The following MRC1 variants were observed in gnomAD, a reference collection of about 807,000 sequenced individuals.
MRC1 encodes macrophage mannose receptor 1.
Under a neutral mutation model 102.9 loss-of-function variants are expected in MRC1, and 62 were observed. The ratio of observed to expected loss-of-function variants is 0.60; its 90% confidence interval spans 0.49 to 0.74. The LOEUF is 0.74. Ranked by LOEUF, MRC1 falls within the 30% of genes least tolerant of loss-of-function variation. The probability of loss-of-function intolerance (pLI) is 0.00; values close to 1 mark genes in which losing one functional copy is unlikely to be tolerated. For missense variants in MRC1, 1,237 were observed against 862.8 expected, an observed-to-expected ratio of 1.43 and a Z score of -5.43; for synonymous variants, 457 against 298.4, an observed-to-expected ratio of 1.53 and a Z score of -5.48.
chr10:17,863,945 C>T (rs1224642350), intron 11 of MRC1, among the ~76,000 whole-genome samples: 1 of 151,772 alleles, frequency 6.6e-6, no homozygotes, highest in Non-Finnish European at 1.5e-5. Flanking sequence ...TCCTGGTCTA[C>T]TTAAAACCTA....
At chr10:17,843,636 C>T (rs1482422086) in intron 5 of MRC1, among the ~76,000 whole-genome samples, 1 of 151,790 alleles carries the variant, frequency 6.6e-6, no homozygotes, top group South Asian at 2.1e-4. Flanking sequence ...TGGACTCTAG[C>T]CTGAGTGACA....
At chr10:17,813,961 A>T (rs2130572229) in intron 1 of MRC1, among the ~76,000 whole-genome samples, 1 of 152,124 alleles carries the variant, frequency 6.6e-6, no homozygotes, top group East Asian at 1.9e-4. Context: ...GGCCTCCCAA[A>T]GTGCTGGGAT....
intron 11 of MRC1, among the ~76,000 whole-genome samples, chr10:17,866,140 C>G (rs1370601162): frequency 6.6e-6 from 1 of 152,070 alleles, no homozygotes; most frequent in Admixed American, 6.6e-5. Flanking sequence ...CCTAAAATCT[C>G]TAGTTGAGAC....
At chr10:17,836,506 G>A (rs1037950397) in intron 4 of MRC1, among the ~76,000 whole-genome samples, 1 of 152,152 alleles carries the variant, frequency 6.6e-6, no homozygotes, top group Non-Finnish European at 1.5e-5. Flanking sequence ...CAGTCTTGTG[G>A]TTATTTGGGC....
At chr10:17,903,396 T>TTC (rs1554843768) in intron 26 of MRC1, among the ~76,000 whole-genome samples, 10 of 135,730 alleles carry the variant, frequency 7.4e-5, no homozygotes, top group Middle Eastern at 3.6e-3. Context: ...TTTTTTCTTT[T>TTC]TTTTTTTTTT....
In MRC1 at chr10:17,901,990, C is replaced by A. The variant is rs1294089438; in HGVS notation, c.3667C>A (p.Pro1223Thr). ...KRSDEIPATE[P>T]PQLPGRCPES... ...ATTAACAGAAATCCCTGCTACTGAA[C>A]CCCCACAACTGCCTGGCAGATGCCC... The change falls in exon 26 of 30, where the codon CCC (proline) becomes ACC (threonine). Residue 1223 changes from proline (P) to threonine (T), a missense_variant. Pro to Thr is a conservative substitution (Grantham distance 38, BLOSUM62 -1). Transcript: ENST00000569591. 1.3e-6 allele frequency: 1 copy of A among 780,612 alleles called. No individual in the cohort carries two copies. Among genetic ancestry groups the A allele is most frequent in the African/African-American group, 1.7e-5 (1 of 59,092 alleles). The allele number at this position is 780,612 out of a possible 1,614,324, so 48.4% of individuals were successfully genotyped here. A position where few individuals can be genotyped will look rare whatever the true frequency, so the allele number is the denominator to read the frequency against.
chr10:17,817,637 A>G (rs1329830671), intron 1 of MRC1, among the ~76,000 whole-genome samples: 1 of 152,216 alleles, frequency 6.6e-6, no homozygotes, highest in Non-Finnish European at 1.5e-5. Context: ...AATTCTGGAT[A>G]TAAATTTCTG....
chr10:17,822,571 T>C (rs1423115902), intron 1 of MRC1, among the ~76,000 whole-genome samples: 1 of 152,188 alleles, frequency 6.6e-6, no homozygotes, highest in African/African-American at 2.4e-5. Context: ...CAGTGAGCCA[T>C]GATTGCACCA....
intron 3 of MRC1, among the ~76,000 whole-genome samples, chr10:17,830,110 C>T (rs1264851856): frequency 6.6e-6 from 1 of 151,266 alleles, no homozygotes; most frequent in African/African-American, 2.5e-5. Context: ...GTGTTCTTTT[C>T]AAAAGAGTTT....
rs546655294 is a variant in MRC1, at chr10:17,846,792, T to C, written c.1063+1357T>C. Reference sequence around the variant, plus strand: ...AATTTTATGGCTGTCCAAAAGCTATTGCAGAGACAGCACATATATTTTTTT... The same window carrying C: ...AATTTTATGGCTGTCCAAAAGCTATCGCAGAGACAGCACATATATTTTTTT... On this transcript the variant is annotated intron_variant, in intron 6 of 29. Coordinates refer to ENST00000569591, the MANE Select transcript of MRC1 (RefSeq NM_002438.4). 9.1e-4 allele frequency among the ~76,000 whole-genome samples: 139 copies of C among 152,338 alleles called. 1 individual carries two copies. The South Asian group carries it at 0.028, about 30-fold the overall frequency.
intron 3 of MRC1, among the ~76,000 whole-genome samples, chr10:17,829,276 G>C (rs1339866592): frequency 6.6e-6 from 1 of 151,438 alleles, no homozygotes; most frequent in Non-Finnish European, 1.5e-5. Flanking sequence ...AAAAATACCT[G>C]AATTTGACGA....
chr10:17,834,452 GC>G (rs1401250854), intron 4 of MRC1, among the ~76,000 whole-genome samples: 8 of 152,118 alleles, frequency 5.3e-5, no homozygotes, highest in Non-Finnish European at 1.0e-4. Flanking sequence ...CCCTCTTGTA[GC>G]CCAGACTGGA....
At chr10:17,867,777 A>AT (rs1320762794) in intron 12 of MRC1, among the ~76,000 whole-genome samples, 1 of 152,004 alleles carries the variant, frequency 6.6e-6, no homozygotes, top group Non-Finnish European at 1.5e-5. Context: ...ATTCCAATTC[A>AT]TTTTTTTCCC....
chr10:17,879,583 G>A (rs1305377996), intron 18 of MRC1, 138 bp from the exon 19 acceptor site: 7 of 774,874 alleles, frequency 9.0e-6, no homozygotes, highest in East Asian at 4.9e-5. Context: ...GGCTAGACTC[G>A]AACTCCTGGC....
intron 21 of MRC1, among the ~76,000 whole-genome samples, chr10:17,881,475 A>G (rs992953377): frequency 2.0e-5 from 3 of 152,264 alleles, no homozygotes; most frequent in Non-Finnish European, 4.4e-5. Context: ...GTTAAGCATT[A>G]GAGCTGGGAG....
chr10:17,835,183 A>G (rs1838644177), intron 4 of MRC1, among the ~76,000 whole-genome samples: 1 of 152,156 alleles, frequency 6.6e-6, no homozygotes, highest in African/African-American at 2.4e-5. Flanking sequence ...TGGAATTCTC[A>G]CGATTGTGTA....
chr10:17,844,379 G>C (rs1554840070), intron 5 of MRC1, among the ~76,000 whole-genome samples: 25 of 151,772 alleles, frequency 1.6e-4, no homozygotes, highest in Middle Eastern at 3.4e-3. Flanking sequence ...CCAGCTCCCC[G>C]GCCGATTTTT....
intron 14 of MRC1, among the ~76,000 whole-genome samples, 158 bp from the exon 15 acceptor site, chr10:17,871,824 C>T (rs1833358915): frequency 6.6e-6 from 1 of 152,126 alleles, no homozygotes; most frequent in South Asian, 2.1e-4. Context: ...TTCTTTTCTA[C>T]TACGTTTGTG....
chr10:17,817,278 C>G (rs1838328258), intron 1 of MRC1, among the ~76,000 whole-genome samples: 1 of 150,512 alleles, frequency 6.6e-6, no homozygotes, highest in African/African-American at 2.4e-5. Context: ...GAAAGAAAAT[C>G]CACACCTATG....
Sources: gnomAD v4.1 joint callset for allele counts (sites outside exome capture counted in the v4.1 genomes callset) on GRCh38, gnomAD v4.1.1 for gene constraint, MANE v1.5 for transcripts, NCBI Gene and HGNC (gene_info 2026-07-23, HGNC 2026-07-21) for gene names.